The following ST6GALNAC3 variants were observed in gnomAD, a reference collection of about 807,000 sequenced individuals.
ST6GALNAC3 encodes the protein ST6 N-acetylgalactosaminide alpha-2,6-sialyltransferase 3.
A neutral mutation model predicts 32.7 loss-of-function variants in ST6GALNAC3; 25 were observed. The observed-to-expected ratio is 0.76, with a 90% CI of 0.56 to 1.07. The LOEUF (loss-of-function observed/expected upper bound fraction) is 1.07. Ranked by LOEUF, ST6GALNAC3 falls within the 50% of genes least tolerant of loss-of-function variation. The pLI is 0.00. For synonymous variants in ST6GALNAC3, 129 were observed against 133.1 expected (o/e 0.97, Z 0.21); for missense variants, 355 against 382.4 (o/e 0.93, Z 0.60).
chr1:76,589,256 G>C (rs1382678315), intron 3 of ST6GALNAC3, among the ~76,000 whole-genome samples: 1 of 152,054 alleles, frequency 6.6e-6, no homozygotes, highest in African/African-American at 2.4e-5. Context: ...GTTTTCATTA[G>C]GGCTAAACTA....
intron 3 of ST6GALNAC3, among the ~76,000 whole-genome samples, chr1:76,463,823 C>T (rs1571314490): frequency 2.6e-5 from 4 of 152,112 alleles, no homozygotes; most frequent in East Asian, 3.9e-4. Flanking sequence ...TCGAGGGCTC[C>T]CTTGCTGTCT....
chr1:76,475,775 C>T (rs1490117672), intron 3 of ST6GALNAC3, among the ~76,000 whole-genome samples: 3 of 152,096 alleles, frequency 2.0e-5, no homozygotes, highest in Non-Finnish European at 4.4e-5. Context: ...TAGGCATACA[C>T]GTGGCATGGT....
intron 2 of ST6GALNAC3, among the ~76,000 whole-genome samples, chr1:76,387,207 G>T (rs1239730647): frequency 6.6e-6 from 1 of 152,012 alleles, no homozygotes; most frequent in Non-Finnish European, 1.5e-5. Flanking sequence ...CTTAACAATG[G>T]TGACTGTAGG....
chr1:76,618,837 A>G (rs554143101), intron 3 of ST6GALNAC3, among the ~76,000 whole-genome samples: 1 of 152,204 alleles, frequency 6.6e-6, no homozygotes, highest in Non-Finnish European at 1.5e-5. Flanking sequence ...TATTATACCT[A>G]TCACAGCAAG....
chr1:76,435,681 GAA>G (rs1455194939), intron 3 of ST6GALNAC3, among the ~76,000 whole-genome samples: 1 of 151,808 alleles, frequency 6.6e-6, no homozygotes, highest in Non-Finnish European at 1.5e-5. Flanking sequence ...TTTTCTTTCT[GAA>G]AAAGTAGTTT....
intron 3 of ST6GALNAC3, among the ~76,000 whole-genome samples, chr1:76,625,985 A>G (rs1648942689): frequency 6.6e-6 from 1 of 151,900 alleles, no homozygotes; most frequent in Admixed American, 6.6e-5. Context: ...AAGTCAATGC[A>G]AGTAAAGGCT....
chr1:76,433,182 A>C (rs1655895503), intron 3 of ST6GALNAC3, among the ~76,000 whole-genome samples: 2 of 151,824 alleles, frequency 1.3e-5, no homozygotes, highest in African/African-American at 2.4e-5. Flanking sequence ...TCCCTTTGAA[A>C]GCTTTCTCTG....
At chr1:76,575,818 A>G (rs1259092370) in intron 3 of ST6GALNAC3, among the ~76,000 whole-genome samples, 4 of 152,056 alleles carry the variant, frequency 2.6e-5, no homozygotes, top group African/African-American at 9.7e-5. Context: ...TTTTCTATAA[A>G]GAACCAGATT....
At chr1:76,514,445 G>C (rs906333856) in intron 3 of ST6GALNAC3, among the ~76,000 whole-genome samples, 1 of 152,102 alleles carries the variant, frequency 6.6e-6, no homozygotes, top group African/African-American at 2.4e-5. Context: ...CTGGAAAGTG[G>C]GGCCTAGTGG....
At chr1:76,517,709 CTTTGAG>C (rs1381623019) in intron 3 of ST6GALNAC3, among the ~76,000 whole-genome samples, 2 of 151,174 alleles carry the variant, frequency 1.3e-5, no homozygotes, top group Non-Finnish European at 3.0e-5. Flanking sequence ...CTTATTTTTC[CTTTGAG>C]TTTATCTTTG....
intron 1 of ST6GALNAC3, among the ~76,000 whole-genome samples, chr1:76,299,673 A>C (rs1289552509): frequency 6.6e-6 from 1 of 152,024 alleles, no homozygotes; most frequent in Non-Finnish European, 1.5e-5. Context: ...AATTTGGAAA[A>C]ATGGCCTCTG....
intron 2 of ST6GALNAC3, among the ~76,000 whole-genome samples, chr1:76,394,672 C>G (rs1286827645): frequency 1.3e-5 from 2 of 152,110 alleles, no homozygotes; most frequent in Non-Finnish European, 2.9e-5. Context: ...TATGTATTGA[C>G]AAGCACTTGC....
intron 3 of ST6GALNAC3, among the ~76,000 whole-genome samples, chr1:76,483,682 T>C (rs1161481649): frequency 6.6e-6 from 1 of 152,216 alleles, no homozygotes; most frequent in Non-Finnish European, 1.5e-5. Flanking sequence ...GCCTGTTCAC[T>C]CTGATGGTAG....
chr1:76,480,858 A>T (rs754202673), intron 3 of ST6GALNAC3, among the ~76,000 whole-genome samples: 5 of 151,998 alleles, frequency 3.3e-5, no homozygotes, highest in Non-Finnish European at 7.4e-5. Context: ...AATGGGCTAG[A>T]CTCTCCTCTG....
chr1:76,557,448 A>G (rs1414695206), intron 3 of ST6GALNAC3, among the ~76,000 whole-genome samples: 2 of 152,064 alleles, frequency 1.3e-5, no homozygotes, highest in Non-Finnish European at 2.9e-5. Context: ...GGCAAAACTA[A>G]TGTTCCATCA....
intron 1 of ST6GALNAC3, among the ~76,000 whole-genome samples, chr1:76,296,313 G>C (rs1038033028): frequency 5.3e-5 from 8 of 152,106 alleles, no homozygotes; most frequent in Non-Finnish European, 1.0e-4. Flanking sequence ...CAATGAAATG[G>C]TTTGAGTACT....
At chr1:76,306,762 T>C (rs1661087169) in intron 1 of ST6GALNAC3, among the ~76,000 whole-genome samples, 1 of 152,016 alleles carries the variant, frequency 6.6e-6, no homozygotes, top group South Asian at 2.1e-4. Flanking sequence ...GATAAGAGGT[T>C]ACATTGAACT....
chr1:76,530,662 C>T (rs565006834), intron 3 of ST6GALNAC3, among the ~76,000 whole-genome samples: 2 of 152,270 alleles, frequency 1.3e-5, no homozygotes, highest in African/African-American at 4.8e-5. Context: ...TTTTTGTTTA[C>T]TTTAAAATAG....
chr1:76,097,221 A>G (rs1336610357), intron 1 of ST6GALNAC3, among the ~76,000 whole-genome samples: 2 of 152,156 alleles, frequency 1.3e-5, no homozygotes, highest in Admixed American at 1.3e-4. Flanking sequence ...GCCCAGCCAG[A>G]GCATTGTTTT....
Sources: allele counts gnomAD v4.1 joint callset (sites outside exome capture counted in the v4.1 genomes callset), GRCh38; gene constraint gnomAD v4.1.1; transcripts MANE v1.5; gene names NCBI Gene and HGNC (gene_info 2026-07-23, HGNC 2026-07-21).